The following PASD1 variants were observed in gnomAD, a reference collection of about 807,000 sequenced individuals.
PASD1 encodes circadian clock protein PASD1.
Under a neutral mutation model 58.8 loss-of-function variants are expected in PASD1, and 13 were observed. That is an observed-to-expected ratio of 0.22 (90% CI 0.14 to 0.35). The LOEUF is 0.35. PASD1 is among the 10% of genes least tolerant of loss of function. The pLI is 1.00. For synonymous variants in PASD1, 236 were observed against 216.7 expected, an observed-to-expected ratio of 1.09 and a Z score of -0.78; for missense variants, 734 against 568.3, an observed-to-expected ratio of 1.29 and a Z score of -2.96.
chrX:151,600,042 C>T (rs1198812564), intron 1 of PASD1, among the ~76,000 whole-genome samples: 1 of 112,333 alleles, frequency 8.9e-6, no homozygotes. Flanking sequence ...GCTGGCAGAT[C>T]ACTCGCGGTC....
At chrX:151,625,596 CAA>C (rs1247187326) in intron 8 of PASD1, 66 bp downstream of exon 8, 5 of 854,213 alleles carry the variant, frequency 5.9e-6, no homozygotes, top group East Asian at 6.4e-5. Flanking sequence ...GAAACTAAAA[CAA>C]GAGAAATAAC....
intron 9 of PASD1, among the ~76,000 whole-genome samples, chrX:151,653,864 C>CTTTCTT (rs2014190915): frequency 3.9e-5 from 1 of 25,497 alleles, no homozygotes; most frequent in African/African-American, 1.2e-4. Context: ...CCCTCCCTCC[C>CTTTCTT]TCCCTCTTTC....
At chrX:151,665,352 T>A (rs770824010) in intron 11 of PASD1, among the ~76,000 whole-genome samples, 2 of 112,441 alleles carry the variant, frequency 1.8e-5, no homozygotes, top group Non-Finnish European at 1.9e-5. Context: ...TCTTTTGAAT[T>A]AACTTGTAAT....
At chrX:151,658,880 C>A (rs181480799) in intron 9 of PASD1, among the ~76,000 whole-genome samples, 91 of 112,208 alleles carry the variant, frequency 8.1e-4, no homozygotes, top group African/African-American at 2.9e-3. Context: ...ACAGACTATT[C>A]AAAAAGGATT....
At chrX:151,590,194 C>T (rs2013225446) in intron 1 of PASD1, among the ~76,000 whole-genome samples, 1 of 112,013 alleles carries the variant, frequency 8.9e-6, no homozygotes, top group Non-Finnish European at 1.9e-5. Flanking sequence ...ATAGACATTT[C>T]ACATGGAACT....
intron 4 of PASD1, among the ~76,000 whole-genome samples, chrX:151,617,640 C>T (rs771094627): frequency 1.8e-5 from 2 of 111,974 alleles, no homozygotes; most frequent in Non-Finnish European, 3.8e-5. Context: ...AGTATAAAAT[C>T]TTATTCAGTG....
intron 8 of PASD1, among the ~76,000 whole-genome samples, chrX:151,635,227 G>A (rs1430484007): frequency 9.0e-6 from 1 of 111,155 alleles, no homozygotes; most frequent in African/African-American, 3.3e-5. Flanking sequence ...CTCTGCCTCA[G>A]AGAAATCAGC....
At chrX:151,624,599 A>G (rs1158430081) in intron 7 of PASD1, among the ~76,000 whole-genome samples, 2 of 111,363 alleles carry the variant, frequency 1.8e-5, no homozygotes, top group Admixed American at 1.9e-4. Context: ...TTTCTCCTAT[A>G]TGGTAAGCAC....
intron 7 of PASD1, among the ~76,000 whole-genome samples, chrX:151,624,837 T>A (rs1381849627): frequency 1.8e-5 from 2 of 111,838 alleles, no homozygotes; most frequent in African/African-American, 6.5e-5. Context: ...AGAAAAGTAG[T>A]ATAGAAGAAA....
chrX:151,570,501 C>T (rs1023152162), intron 1 of PASD1, among the ~76,000 whole-genome samples: 47 of 112,541 alleles, frequency 4.2e-4, no homozygotes, highest in African/African-American at 1.4e-3. Context: ...AAGCCTGGCT[C>T]GTTCCCAGCA....
chrX:151,637,428 A>G (rs2013944240), intron 8 of PASD1, among the ~76,000 whole-genome samples: 1 of 111,407 alleles, frequency 9.0e-6, no homozygotes, highest in Admixed American at 9.6e-5. Context: ...CCAGGCTGGA[A>G]TGCAATGGCC....
At chrX:151,608,958 C>T (rs1392506926) in intron 3 of PASD1, among the ~76,000 whole-genome samples, 1 of 111,398 alleles carries the variant, frequency 9.0e-6, no homozygotes, top group Non-Finnish European at 1.9e-5. Context: ...TTCATCTTAC[C>T]AGAGGTTTGT....
At chrX:151,594,093 C>G (rs973925408) in intron 1 of PASD1, among the ~76,000 whole-genome samples, 1 of 110,726 alleles carries the variant, frequency 9.0e-6, no homozygotes, top group Non-Finnish European at 1.9e-5. Flanking sequence ...CCTGCCTCAG[C>G]CTCCTGAGCA....
intron 1 of PASD1, among the ~76,000 whole-genome samples, chrX:151,585,172 A>T (rs1414776926): frequency 2.7e-5 from 3 of 111,810 alleles, no homozygotes; most frequent in Non-Finnish European, 5.6e-5. Flanking sequence ...AAACAGTGGC[A>T]TAGGTATATA....
intron 1 of PASD1, among the ~76,000 whole-genome samples, chrX:151,598,531 T>C (rs1286151601): frequency 1.8e-5 from 2 of 111,430 alleles, no homozygotes; most frequent in Non-Finnish European, 3.8e-5. Flanking sequence ...CTTAGATATA[T>C]ACTGTGCCTT....
At chrX:151,616,727 A>C (rs1024158303) in intron 4 of PASD1, among the ~76,000 whole-genome samples, 5 of 111,834 alleles carry the variant, frequency 4.5e-5, no homozygotes, top group Non-Finnish European at 5.6e-5. Context: ...TCAGCATTGA[A>C]TCTTTAAGAG....
chrX:151,613,956 A>G (rs1174436191), intron 4 of PASD1, among the ~76,000 whole-genome samples: 1 of 110,556 alleles, frequency 9.0e-6, no homozygotes, highest in Admixed American at 9.7e-5. Flanking sequence ...TATTCTTACT[A>G]TAACTTCATA....
At chrX:151,565,817 CA>C (rs1233756117) in intron 1 of PASD1, among the ~76,000 whole-genome samples, 8 of 111,901 alleles carry the variant, frequency 7.1e-5, no homozygotes, top group Non-Finnish European at 1.3e-4. Flanking sequence ...CTTCGCCTCC[CA>C]AAGTGCTGGG....
chrX:151,596,740 A>G (rs1270587906), intron 1 of PASD1, among the ~76,000 whole-genome samples: 1 of 112,227 alleles, frequency 8.9e-6, no homozygotes, highest in East Asian at 2.8e-4. Context: ...CAGAGTGTTC[A>G]TGAATGCAAC....
Sources: allele counts gnomAD v4.1 joint callset (sites outside exome capture counted in the v4.1 genomes callset), GRCh38; gene constraint gnomAD v4.1.1; transcripts MANE v1.5; gene names NCBI Gene and HGNC (gene_info 2026-07-23, HGNC 2026-07-21).